The following CRYL1 variants were observed in gnomAD, a reference collection of about 807,000 sequenced individuals.
CRYL1 encodes crystallin lambda 1.
In CRYL1, 29 loss-of-function variants were observed where a neutral mutation model predicts 36.6. The observed-to-expected ratio is 0.79, with a 90% confidence interval of 0.59 to 1.08. The LOEUF (loss-of-function observed/expected upper bound fraction) is 1.08. Among genes scored for constraint, CRYL1 ranks in the 50% least tolerant of loss-of-function variants. CRYL1 has a pLI of 0.00. For synonymous variants in CRYL1, 152 were observed against 151.5 expected, an observed-to-expected ratio of 1.00 and a Z score of -0.02; for missense variants, 411 against 407.9, an observed-to-expected ratio of 1.01 and a Z score of -0.06.
At chr13:20,524,942 T>G (rs1195266402) in intron 1 of CRYL1, among the ~76,000 whole-genome samples, 1 of 150,154 alleles carries the variant, frequency 6.7e-6, no homozygotes, top group Non-Finnish European at 1.5e-5. Flanking sequence ...CAATAGCAAG[T>G]ATTAACATGT....
intron 2 of CRYL1, among the ~76,000 whole-genome samples, chr13:20,501,686 G>C (rs758980544): frequency 6.6e-6 from 1 of 152,184 alleles, no homozygotes; most frequent in Non-Finnish European, 1.5e-5. Flanking sequence ...TAGCACACTG[G>C]AGGCAAAGAA....
intron 2 of CRYL1, among the ~76,000 whole-genome samples, chr13:20,503,570 G>C (rs1057222768): frequency 2.0e-5 from 3 of 152,208 alleles, no homozygotes; most frequent in African/African-American, 7.2e-5. Context: ...GCCTTCTGCT[G>C]TGCATGCCAC....
At chr13:20,513,528 T>G (rs1426127177) in intron 1 of CRYL1, 1 of 152,150 alleles carries the variant, frequency 6.6e-6, no homozygotes, top group Non-Finnish European at 1.5e-5. Context: ...AACTGAGGCA[T>G]GGAGGAATTA....
At position 20,505,359 on chromosome 13, in the gene CRYL1, C is replaced by CAAAAAAAAAAAAAAAAAAAA. The variant is rs61380702; in HGVS notation, c.149+7064_149+7083dup. 1.6e-3 allele frequency among the ~76,000 whole-genome samples: 142 copies of CAAAAAAAAAAAAAAAAAAAA among 91,192 alleles called. 1 individual carries two copies. The highest frequency in any genetic ancestry group is 0.013 in the Middle Eastern group (2 of 158). 59.8% of individuals were successfully genotyped at this position (91,192 alleles called of 152,430 possible). A position where few individuals can be genotyped will look rare whatever the true frequency, so the allele number is the denominator to read the frequency against. On this transcript the variant is annotated intron_variant, in intron 2 of 7. Transcript: ENST00000298248. ...GCAACAAAGTGAGACTCTATCCCAC[C>CAAAAAAAAAAAAAAAAAAAA]AAAAAAAAAAAAAAAAAAAAAAATC...
chr13:20,439,539 A>T lies in CRYL1; in HGVS notation c.438+54T>A, dbSNP rs567251213. The T allele has an allele frequency of 1.1e-5, 15 of 1,380,452 alleles. No homozygotes were observed. In the South Asian group the frequency reaches 2.4e-4, roughly 22 times the overall value. The allele number at this position is 1,380,452 out of a possible 1,614,324, so 85.5% of individuals were successfully genotyped here. ...CAAAAAAAAAAAAAAAAGAAAAAAA[A>T]AAAACACAGAATGAGATGAGATACA... On this transcript the variant is annotated intron_variant, in intron 4 of 7. Coordinates refer to ENST00000298248, the MANE Select transcript of CRYL1 (RefSeq NM_015974.3).
At chr13:20,442,494 T>C (rs1262503808) in intron 3 of CRYL1, among the ~76,000 whole-genome samples, 1 of 152,198 alleles carries the variant, frequency 6.6e-6, no homozygotes, top group East Asian at 1.9e-4. Context: ...TTGCAGTTGG[T>C]TACAAAGCTC....
At chr13:20,438,997 A>T (rs1478739465) in intron 4 of CRYL1, among the ~76,000 whole-genome samples, 1 of 152,182 alleles carries the variant, frequency 6.6e-6, no homozygotes, top group Non-Finnish European at 1.5e-5. Flanking sequence ...ACTCCTGGCA[A>T]ACAAGCTTGC....
At chr13:20,428,823 C>T (rs1413556219) in intron 5 of CRYL1, among the ~76,000 whole-genome samples, 11 of 152,334 alleles carry the variant, frequency 7.2e-5, no homozygotes, top group Admixed American at 2.0e-4. Flanking sequence ...AGTACCCACA[C>T]GCCTGGACAC....
intron 3 of CRYL1, among the ~76,000 whole-genome samples, chr13:20,466,514 C>T (rs7317662): frequency 0.071 from 10,751 of 152,152 alleles, 1,209 homozygotes; most frequent in African/African-American, 0.24. Context: ...CACACACGCA[C>T]GCACACACAA....
chr13:20,443,164 A>G (rs1004817864), intron 3 of CRYL1, among the ~76,000 whole-genome samples: 1 of 152,146 alleles, frequency 6.6e-6, no homozygotes, highest in East Asian at 1.9e-4. Flanking sequence ...TGTGTGGTTA[A>G]TTCAACTCAT....
In CRYL1 at chr13:20,406,902, G is replaced by A. The variant is rs186299003; in HGVS notation, c.740-2161C>T. ...CCTACCAGAGCAGCCACAGGCCAGG[G>A]GTTCAGTTCACGCAGCACTTGCTCT... On this transcript the variant is annotated intron_variant, in intron 6 of 7. Coordinates refer to ENST00000298248, the MANE Select transcript of CRYL1 (RefSeq NM_015974.3). Among the ~76,000 whole-genome samples, 479 of 151,634 alleles carry A rather than the reference G, an allele frequency of 3.2e-3. 5 individuals are homozygous for A. The highest frequency in any genetic ancestry group is 2.4e-3 in the Non-Finnish European group (164 of 67,908).
chr13:20,489,474 G>A lies in CRYL1; in HGVS notation c.172C>T (p.Gln58Ter). The change falls in exon 3 of 8, where the codon CAG becomes TAG. Residue 58 changes from glutamine to a stop codon, truncating the protein, a stop_gained. Transcript: ENST00000298248. LOFTEE classifies it high-confidence loss of function. ...AGGGAGCCTTTCAGAGAACCTGCCTGCTCCAGCAACTTCATCTCCTTTCTG... is the reference window on the plus strand; with the variant it reads ...AGGGAGCCTTTCAGAGAACCTGCCTACTCCAGCAACTTCATCTCCTTTCTG... ...NIRKEMKLLE[Q>*]AGSLKGSLSV... 1 of 1,613,296 alleles carries A rather than the reference G, an allele frequency of 6.2e-7. No homozygotes were observed. Among genetic ancestry groups the A allele is most frequent in the African/African-American group, 1.3e-5 (1 of 75,050 alleles).
intron 3 of CRYL1, among the ~76,000 whole-genome samples, chr13:20,484,892 T>C (rs540699919): frequency 6.6e-5 from 10 of 152,364 alleles, no homozygotes; most frequent in African/African-American, 2.4e-4. Context: ...TAACATTACA[T>C]TGTGTTAGAA....
At chr13:20,517,465 C>A (rs975260272) in intron 1 of CRYL1, among the ~76,000 whole-genome samples, 2 of 151,772 alleles carry the variant, frequency 1.3e-5, no homozygotes, top group Non-Finnish European at 2.9e-5. Flanking sequence ...AGTGGTGGCA[C>A]GCATCTGTAA....
chr13:20,503,075 T>G (rs1010148487), intron 2 of CRYL1, among the ~76,000 whole-genome samples: 1 of 152,190 alleles, frequency 6.6e-6, no homozygotes, highest in Non-Finnish European at 1.5e-5. Context: ...AGTCAAAGTA[T>G]TAATATTTTG....
chr13:20,429,981 C>T (rs2032019784), intron 5 of CRYL1, among the ~76,000 whole-genome samples: 1 of 152,102 alleles, frequency 6.6e-6, no homozygotes, highest in African/African-American at 2.4e-5. Flanking sequence ...AGGTCAGCAC[C>T]ACGACAAGCC....
intron 2 of CRYL1, among the ~76,000 whole-genome samples, chr13:20,494,824 G>T (rs184578127): frequency 1.1e-4 from 16 of 152,356 alleles, no homozygotes; most frequent in East Asian, 3.9e-4. Context: ...AGCAGACTCA[G>T]GCTGAGGAAT....
At chr13:20,483,941 C>T (rs745762058) in intron 3 of CRYL1, among the ~76,000 whole-genome samples, 9 of 152,098 alleles carry the variant, frequency 5.9e-5, no homozygotes, top group East Asian at 1.9e-4. Flanking sequence ...CTCAGCCTCC[C>T]GGGTAGCTGG....
At position 20,525,071 on chromosome 13, in the gene CRYL1, A is replaced by C. The variant is rs1318811478; in HGVS notation, c.41+683T>G. Among the ~76,000 whole-genome samples the C allele has an allele frequency of 6.6e-6, 1 of 152,040 alleles. No individual in the cohort carries two copies. Among genetic ancestry groups the C allele is most frequent in the East Asian group, 1.9e-4 (1 of 5,168 alleles). On this transcript the variant is annotated intron_variant, in intron 1 of 7. Transcript: ENST00000298248. The surrounding 1 kb of genome is among the most constrained non-coding windows in gnomAD (Gnocchi z 4.3). Reference sequence around the variant, plus strand: ...GGGGGGCGGGGTGGGGGAAGCACACACTAAAAATCAGTTTGGGCAGAATTT... The same window carrying C: ...GGGGGGCGGGGTGGGGGAAGCACACCCTAAAAATCAGTTTGGGCAGAATTT...
Sources: gnomAD v4.1 joint callset for allele counts (sites outside exome capture counted in the v4.1 genomes callset) on GRCh38, gnomAD v4.1.1 for gene constraint, Gnocchi (gnomAD v3.1) non-coding constraint, MANE v1.5 for transcripts, NCBI Gene and HGNC (gene_info 2026-07-23, HGNC 2026-07-21) for gene names.